TENM3: variants seen among roughly 807,000 people sequenced by gnomAD.
TENM3 encodes the protein teneurin transmembrane protein 3.
In TENM3, 63 loss-of-function variants were observed where a neutral mutation model predicts 255.1. The observed-to-expected ratio is 0.25, with a 90% CI of 0.20 to 0.30. TENM3 has a LOEUF of 0.30. Ranked by LOEUF, TENM3 falls within the 10% of genes least tolerant of loss-of-function variation. The pLI is 1.00. For missense variants in TENM3, 2,929 were observed against 3,461.1 expected, an observed-to-expected ratio of 0.85 and a Z score of 3.86; for synonymous variants, 1,306 against 1,322.3, an observed-to-expected ratio of 0.99 and a Z score of 0.27.
chr4:182,160,012 C>CTTTTTTTTTTTTTTTTTTTTT (rs71605052), intron 1 of TENM3, among the ~76,000 whole-genome samples: 2 of 151,212 alleles, frequency 1.3e-5, no homozygotes, highest in South Asian at 2.1e-4. Flanking sequence ...TATTCCGGTT[C>CTTTTTTTTTTTTTTTTTTTTT]TTTTTTTTGA....
the TENM3 span, among the ~76,000 whole-genome samples, chr4:181,466,121 TG>T: frequency 0.4 from 59,262 of 147,870 alleles, 13,148 homozygotes; most frequent in Non-Finnish European, 0.49. Context: ...TTTTTTTTTT[TG>T]TTTTGTTTTT....
chr4:182,167,922 A>G (rs367980171), intron 1 of TENM3, among the ~76,000 whole-genome samples: 3 of 152,296 alleles, frequency 2.0e-5, no homozygotes, highest in South Asian at 2.1e-4. Context: ...TTGTAGAACT[A>G]TAATTGTTTT....
At chr4:182,077,139 C>T in the TENM3 span, among the ~76,000 whole-genome samples, 11 of 152,144 alleles carry the variant, frequency 7.2e-5, no homozygotes, top group African/African-American at 2.4e-4. Flanking sequence ...GTGATATTCA[C>T]TTCATGCTGC....
At chr4:182,232,846 T>G (rs1756668873) in intron 1 of TENM3, among the ~76,000 whole-genome samples, 1 of 152,170 alleles carries the variant, frequency 6.6e-6, no homozygotes, top group African/African-American at 2.4e-5. Flanking sequence ...TTATATGGCA[T>G]GGATATGCTG....
intron 3 of TENM3, among the ~76,000 whole-genome samples, chr4:182,471,228 G>A (rs371432019): frequency 1.4e-4 from 22 of 152,160 alleles, no homozygotes; most frequent in African/African-American, 5.1e-4. Context: ...TTTAAAAATG[G>A]CCTTCCAGTG....
chr4:181,520,792 CTTGTCTGTCCATGTTG>C, the TENM3 span, among the ~76,000 whole-genome samples: 1 of 151,632 alleles, frequency 6.6e-6, no homozygotes, highest in Non-Finnish European at 1.5e-5. Context: ...GGTGTAGACT[CTTGTCTGTCCATGTTG>C]AACGCTCAAC....
At chr4:181,662,329 G>A in the TENM3 span, among the ~76,000 whole-genome samples, 1 of 152,278 alleles carries the variant, frequency 6.6e-6, no homozygotes, top group South Asian at 2.1e-4. Flanking sequence ...AAATAAATGA[G>A]TTATTTTCAT....
At chr4:182,238,429 C>A (rs1207964112), upstream of TENM3, among the ~76,000 whole-genome samples, 1 of 152,168 alleles carries the variant, frequency 6.6e-6, no homozygotes, top group Non-Finnish European at 1.5e-5. Flanking sequence ...CCAAATGCAA[C>A]GCCCAGGGGA....
intron 1 of TENM3, among the ~76,000 whole-genome samples, chr4:182,182,606 C>T (rs529110366): frequency 2.0e-5 from 3 of 152,254 alleles, no homozygotes; most frequent in Admixed American, 1.3e-4. Flanking sequence ...GAAGTATGAG[C>T]CTGCCTGCTA....
At chr4:181,535,510 C>G in the TENM3 span, among the ~76,000 whole-genome samples, 1 of 152,138 alleles carries the variant, frequency 6.6e-6, no homozygotes, top group Non-Finnish European at 1.5e-5. Flanking sequence ...CAGGGTAATC[C>G]TGTGATAATG....
chr4:182,589,856 C>G (rs903254069), intron 3 of TENM3, among the ~76,000 whole-genome samples: 19 of 152,022 alleles, frequency 1.2e-4, no homozygotes, highest in African/African-American at 4.6e-4. Context: ...CGCCTGTAAT[C>G]ACAGCTACTT....
chr4:181,942,957 C>G, the TENM3 span, among the ~76,000 whole-genome samples: 1 of 152,142 alleles, frequency 6.6e-6, no homozygotes, highest in South Asian at 2.1e-4. Context: ...ATAATATTGA[C>G]ATTGGCACTT....
At chr4:182,452,545 G>C (rs996081562) in intron 3 of TENM3, among the ~76,000 whole-genome samples, 1 of 152,140 alleles carries the variant, frequency 6.6e-6, no homozygotes, top group African/African-American at 2.4e-5. Flanking sequence ...GAGCAGGCGG[G>C]TTCCCAAAGG....
chr4:181,945,856 C>T, the TENM3 span, among the ~76,000 whole-genome samples: 23,452 of 151,964 alleles, frequency 0.15, 2,185 homozygotes, highest in African/African-American at 0.26. Context: ...CCTATGCCTA[C>T]GTATACACTC....
the TENM3 span, among the ~76,000 whole-genome samples, chr4:181,772,314 G>A: frequency 6.6e-6 from 1 of 151,852 alleles, no homozygotes; most frequent in Non-Finnish European, 1.5e-5. Flanking sequence ...GGAGATGGAG[G>A]TTGCAGTGAG....
chr4:182,302,967 G>C (rs1456363139), intron 1 of TENM3, among the ~76,000 whole-genome samples: 1 of 152,146 alleles, frequency 6.6e-6, no homozygotes, highest in Non-Finnish European at 1.5e-5. Flanking sequence ...GTTGATTTTT[G>C]ATACATCTCA....
At chr4:182,732,226 A>G (rs1052203542) in intron 16 of TENM3, among the ~76,000 whole-genome samples, 1 of 152,184 alleles carries the variant, frequency 6.6e-6, no homozygotes, top group Non-Finnish European at 1.5e-5. Flanking sequence ...ATTTATTGAA[A>G]AAAAACTTTA....
At chr4:181,983,066 C>T in the TENM3 span, among the ~76,000 whole-genome samples, 1 of 152,084 alleles carries the variant, frequency 6.6e-6, no homozygotes, top group Non-Finnish European at 1.5e-5. Context: ...TGCCAGAATA[C>T]TTGAATGCAA....
intron 2 of TENM3, among the ~76,000 whole-genome samples, chr4:182,324,828 C>G (rs1018899508): frequency 1.3e-5 from 2 of 152,198 alleles, no homozygotes; most frequent in African/African-American, 4.8e-5. Flanking sequence ...TTAACACTTC[C>G]TAGTTTCCCA....
Sources: allele counts gnomAD v4.1 joint callset (sites outside exome capture counted in the v4.1 genomes callset), GRCh38; gene constraint gnomAD v4.1.1; transcripts MANE v1.5; gene names NCBI Gene and HGNC (gene_info 2026-07-23, HGNC 2026-07-21).